CORIN: variants seen among roughly 807,000 people sequenced by gnomAD.
CORIN encodes the protein corin, serine peptidase.
A neutral mutation model predicts 125.3 loss-of-function variants in CORIN; 117 were observed. The ratio of observed to expected loss-of-function variants is 0.93; its 90% CI spans 0.80 to 1.09. CORIN has a LOEUF of 1.09. Among genes scored for constraint, CORIN ranks in the 50% least tolerant of loss-of-function variants. CORIN has a pLI of 0.00. For missense variants in CORIN, 1,253 were observed against 1,306.7 expected (o/e 0.96, Z 0.63); for synonymous variants, 450 against 466.4 (o/e 0.96, Z 0.45).
At chr4:47,617,704 G>A (rs1722120781) in intron 19 of CORIN, among the ~76,000 whole-genome samples, 1 of 152,162 alleles carries the variant, frequency 6.6e-6, no homozygotes, top group Non-Finnish European at 1.5e-5. Context: ...TAGAGTAGAT[G>A]GAATAGAAAG....
chr4:47,596,672 G>A (rs1577722273), intron 21 of CORIN, among the ~76,000 whole-genome samples: 4 of 152,084 alleles, frequency 2.6e-5, no homozygotes, highest in Admixed American at 2.6e-4. Context: ...CAAAAAAGAA[G>A]AGCTGATATC....
chr4:47,731,613 G>A (rs58510770), intron 5 of CORIN, among the ~76,000 whole-genome samples: 28 of 152,314 alleles, frequency 1.8e-4, no homozygotes, highest in African/African-American at 6.5e-4. Context: ...GCTCACGCCT[G>A]TAAACCCAGT....
intron 4 of CORIN, among the ~76,000 whole-genome samples, chr4:47,750,504 G>A (rs1305083654): frequency 1.3e-5 from 2 of 152,158 alleles, no homozygotes; most frequent in Non-Finnish European, 1.5e-5. Context: ...AGAAGGAAAA[G>A]GTACAGGCAG....
At chr4:47,690,574 A>T (rs547261543) in intron 6 of CORIN, among the ~76,000 whole-genome samples, 1 of 152,188 alleles carries the variant, frequency 6.6e-6, no homozygotes, top group South Asian at 2.1e-4. Flanking sequence ...TTAGCTAGAG[A>T]TCATTTTTGC....
intron 1 of CORIN, among the ~76,000 whole-genome samples, chr4:47,826,171 A>G (rs1158526101): frequency 6.6e-6 from 1 of 152,242 alleles, no homozygotes; most frequent in Admixed American, 6.5e-5. Flanking sequence ...GCAGTAATGC[A>G]CAAAAACCCT....
chr4:47,785,385 C>T (rs950623643), intron 3 of CORIN, among the ~76,000 whole-genome samples: 5 of 152,220 alleles, frequency 3.3e-5, no homozygotes, highest in Admixed American at 6.5e-5. Flanking sequence ...TGTCACCTCT[C>T]ACCAACTCAC....
intron 5 of CORIN, among the ~76,000 whole-genome samples, chr4:47,698,057 A>G (rs1394022034): frequency 6.6e-6 from 1 of 151,614 alleles, no homozygotes; most frequent in African/African-American, 2.4e-5. Context: ...ATTAATTATT[A>G]TAGAATAATT....
rs534982271 is a variant in CORIN at position 47,643,082 on chromosome 4, C to T, written c.2068+64G>A. 804 of 1,612,498 alleles carry T rather than the reference C, an allele frequency of 5.0e-4. 2 individuals are homozygous for T. The highest frequency in any genetic ancestry group is 6.5e-4 in the Non-Finnish European group (770 of 1,179,572). On this transcript the variant is annotated intron_variant, in intron 15 of 21. Coordinates refer to ENST00000273857, the MANE Select transcript of CORIN (RefSeq NM_006587.4). ...AAAATCCAGGAAGTAATTTAGGATC[C>T]ATTCAGCTTCAGTGGCTGACAGGCA...
At chr4:47,599,208 G>A (rs1265069084) in intron 21 of CORIN, among the ~76,000 whole-genome samples, 5 of 152,168 alleles carry the variant, frequency 3.3e-5, no homozygotes, top group Non-Finnish European at 5.9e-5. Flanking sequence ...ACGTCAGCAG[G>A]ATGACTTGTG....
At chr4:47,639,477 A>G (rs1469805290) in intron 16 of CORIN, among the ~76,000 whole-genome samples, 1 of 152,208 alleles carries the variant, frequency 6.6e-6, no homozygotes, top group Non-Finnish European at 1.5e-5. Context: ...ATACTCAAAA[A>G]TAAAAAGGGA....
intron 19 of CORIN, 116 bp from the exon 20 acceptor site, chr4:47,603,784 T>C (rs1382404253): frequency 1.8e-6 from 2 of 1,104,686 alleles, no homozygotes; most frequent in East Asian, 5.2e-5. Context: ...CATGCCCACC[T>C]CTCAATGTAT....
At chr4:47,806,572 G>A (rs576747996) in intron 2 of CORIN, among the ~76,000 whole-genome samples, 1 of 152,212 alleles carries the variant, frequency 6.6e-6, no homozygotes, top group African/African-American at 2.4e-5. Context: ...GTGTTGCCTT[G>A]TGTGATAATC....
intron 10 of CORIN, among the ~76,000 whole-genome samples, chr4:47,669,154 G>A (rs5026911): frequency 0.61 from 91,711 of 151,340 alleles, 29,097 homozygotes; most frequent in African/African-American, 0.79. Context: ...ATCTGTCAAA[G>A]AAAAAAATCC....
intron 19 of CORIN, among the ~76,000 whole-genome samples, chr4:47,620,295 CA>C (rs1368353899): frequency 6.6e-6 from 1 of 152,088 alleles, no homozygotes; most frequent in African/African-American, 2.4e-5. Flanking sequence ...AAAATGGCAG[CA>C]AACTGGAACT....
chr4:47,619,422 T>C (rs910280190), intron 19 of CORIN, among the ~76,000 whole-genome samples: 27 of 152,206 alleles, frequency 1.8e-4, no homozygotes, highest in African/African-American at 6.5e-4. Flanking sequence ...AAAGGGAGTA[T>C]GGCATACAAT....
At chr4:47,808,388 G>A (rs372247493) in intron 1 of CORIN, among the ~76,000 whole-genome samples, 1 of 152,148 alleles carries the variant, frequency 6.6e-6, no homozygotes, top group Non-Finnish European at 1.5e-5. Context: ...ATTATTTCCC[G>A]TGGATGCAAA....
At chr4:47,746,531 C>A (rs1001600427) in intron 4 of CORIN, among the ~76,000 whole-genome samples, 24 of 151,838 alleles carry the variant, frequency 1.6e-4, no homozygotes, top group African/African-American at 5.6e-4. Flanking sequence ...CTTGAAAGCA[C>A]AACGCAAATC....
Position 47,595,634 on chromosome 4 carries a change from G to T in CORIN, c.*87C>A. ...ATTTCTGTCCATGAAAAGTGCTTCT[G>T]TACAGCTCTCTGCAGGCAGCTCTTC... On this transcript the variant is annotated 3_prime_UTR_variant, in exon 22 of 22. Transcript: ENST00000273857. The T allele has an allele frequency of 9.4e-7, 1 of 1,063,168 alleles. No homozygotes were observed. The highest frequency in any genetic ancestry group is 1.4e-6 in the Non-Finnish European group (1 of 737,860). 65.9% of individuals were successfully genotyped at this position (1,063,168 alleles called of 1,614,324 possible).
chr4:47,711,073 G>A (rs752437425), intron 5 of CORIN, among the ~76,000 whole-genome samples: 1 of 152,202 alleles, frequency 6.6e-6, no homozygotes, highest in Non-Finnish European at 1.5e-5. Flanking sequence ...GTAGTGGGAT[G>A]AAAGCTTGAG....
Sources: allele counts gnomAD v4.1 joint callset (sites outside exome capture counted in the v4.1 genomes callset), GRCh38; gene constraint gnomAD v4.1.1; transcripts MANE v1.5; gene names NCBI Gene and HGNC (gene_info 2026-07-23, HGNC 2026-07-21).